The following STX17 variants were observed in gnomAD, a reference collection of about 807,000 sequenced individuals.
STX17 encodes the protein syntaxin 17, also known as syntaxin-17.
In STX17, 29 loss-of-function variants were observed where a neutral mutation model predicts 35.9. The ratio of observed to expected loss-of-function variants is 0.81; its 90% confidence interval spans 0.60 to 1.10. The LOEUF (loss-of-function observed/expected upper bound fraction) is 1.10, where lower values mean the gene tolerates loss of function less well. Ranked by LOEUF, STX17 falls within the 50% of genes least tolerant of loss-of-function variation. The pLI is 0.00. For synonymous variants in STX17, 92 were observed against 118.3 expected (o/e 0.78, Z 1.44); for missense variants, 312 against 352.3 (o/e 0.89, Z 0.92).
At chr9:99,954,520 G>A (rs1261763859) in intron 4 of STX17, among the ~76,000 whole-genome samples, 7 of 151,998 alleles carry the variant, frequency 4.6e-5, no homozygotes. Context: ...CTTTAATAGT[G>A]GGGTAGGAAT....
intron 6 of STX17, among the ~76,000 whole-genome samples, chr9:99,965,088 T>G (rs1024369028): frequency 6.6e-6 from 1 of 152,148 alleles, no homozygotes; most frequent in African/African-American, 2.4e-5. Context: ...TAAATACTTA[T>G]AGATGTGGGC....
At chr9:99,942,206 C>T (rs1829379118) in intron 3 of STX17, among the ~76,000 whole-genome samples, 1 of 152,006 alleles carries the variant, frequency 6.6e-6, no homozygotes, top group Non-Finnish European at 1.5e-5. Flanking sequence ...TTACATTTAC[C>T]TGATTATTCA....
Position 99,906,713 on chromosome 9 carries a change from G to T in STX17, c.-63+7G>T, listed in dbSNP as rs1828554033. 6.6e-6 allele frequency: 1 copy of T among 152,118 alleles called. No homozygotes were observed. Among genetic ancestry groups the T allele is most frequent in the South Asian group, 2.1e-4 (1 of 4,830 alleles). The allele number at this position is 152,118 out of a possible 1,614,324, so 9.4% of individuals were successfully genotyped here. A position where few individuals can be genotyped will look rare whatever the true frequency, so the allele number is the denominator to read the frequency against. On this transcript the variant is annotated splice_region_variant and intron_variant, in intron 1 of 7. Coordinates refer to ENST00000259400, the MANE Select transcript of STX17 (RefSeq NM_017919.3). The stretch of plus-strand genomic sequence containing the variant: ...TCGAGCGCCCCGGCGGGAGGTAAGG[G>T]GCTCTCTGGAGGCCGCCTTTGGGGG...
chr9:99,953,008 C>T (rs1424470121), intron 4 of STX17, among the ~76,000 whole-genome samples: 1 of 150,938 alleles, frequency 6.6e-6, no homozygotes, highest in African/African-American at 2.4e-5. Context: ...GCACATGTAC[C>T]CTAGAACTTA....
intron 3 of STX17, among the ~76,000 whole-genome samples, chr9:99,940,381 G>C (rs771212769): frequency 6.6e-6 from 1 of 151,444 alleles, no homozygotes; most frequent in Non-Finnish European, 1.5e-5. Context: ...ATCCGCCCGC[G>C]TCGGCCTCCC....
intron 7 of STX17, 80 bp downstream of exon 7, chr9:99,967,819 T>C: frequency 4.1e-6 from 5 of 1,226,390 alleles, no homozygotes; most frequent in African/African-American, 1.5e-5. Flanking sequence ...TGATCTGCTC[T>C]CTTCAATGTT....
At chr9:99,959,820 C>G in intron 4 of STX17, 97 bp from the exon 5 acceptor site, 3 of 872,910 alleles carry the variant, frequency 3.4e-6, no homozygotes, top group Non-Finnish European at 5.6e-6. Flanking sequence ...AATTAGACAC[C>G]ATTTAACGTG....
intron 6 of STX17, among the ~76,000 whole-genome samples, chr9:99,961,598 T>C (rs1316747623): frequency 6.6e-6 from 1 of 152,174 alleles, no homozygotes; most frequent in African/African-American, 2.4e-5. Flanking sequence ...TATGTATATT[T>C]ATGTATGTGT....
Position 99,969,770 on chromosome 9 carries a change from T to G in STX17, c.*1097T>G, listed in dbSNP as rs1347186676. On this transcript the variant is annotated 3_prime_UTR_variant, in exon 8 of 8. Coordinates refer to ENST00000259400, the MANE Select transcript of STX17 (RefSeq NM_017919.3). ...CCTCACATCCTTTTCCCCAGACTTT[T>G]TATCTCCTATGCATCCCTTTGCTTT... 1 of 152,600 alleles carries G rather than the reference T, an allele frequency of 6.6e-6. No individual in the cohort carries two copies. Among genetic ancestry groups the G allele is most frequent in the African/African-American group, 2.4e-5 (1 of 41,416 alleles). 9.5% of individuals were successfully genotyped at this position (152,600 alleles called of 1,614,324 possible).
chr9:99,927,499 A>C (rs569821818), intron 2 of STX17, among the ~76,000 whole-genome samples: 1 of 152,190 alleles, frequency 6.6e-6, no homozygotes, highest in East Asian at 1.9e-4. Context: ...TTTGAGAAGG[A>C]GTCTCACTCT....
intron 2 of STX17, among the ~76,000 whole-genome samples, 158 bp from the exon 3 acceptor site, chr9:99,928,620 A>G (rs1829038351): frequency 1.3e-5 from 2 of 151,916 alleles, no homozygotes; most frequent in African/African-American, 2.4e-5. Context: ...ATAATTTCCT[A>G]CTTGTATGTG....
intron 2 of STX17, among the ~76,000 whole-genome samples, chr9:99,923,540 G>A (rs1056600365): frequency 9.9e-5 from 15 of 152,148 alleles, no homozygotes; most frequent in Admixed American, 2.0e-4. Flanking sequence ...GTGACCAAAT[G>A]TGTGTGAGTT....
chr9:99,919,798 C>T (rs1037074503), intron 2 of STX17, among the ~76,000 whole-genome samples: 3 of 151,970 alleles, frequency 2.0e-5, no homozygotes, highest in African/African-American at 7.3e-5. Context: ...TTTTAATTCT[C>T]AAGAAGTTTG....
chr9:99,952,617 C>T (rs1829625062), intron 4 of STX17, among the ~76,000 whole-genome samples: 1 of 152,140 alleles, frequency 6.6e-6, no homozygotes, highest in South Asian at 2.1e-4. Flanking sequence ...ATAGCAAAGA[C>T]TTGGAACCAA....
intron 2 of STX17, among the ~76,000 whole-genome samples, chr9:99,916,898 T>C (rs1042576077): frequency 6.6e-6 from 1 of 152,170 alleles, no homozygotes; most frequent in Non-Finnish European, 1.5e-5. Flanking sequence ...TTTCTTATGT[T>C]TATTCTATAC....
rs966759648 is a variant in STX17 at position 99,970,266 on chromosome 9, C to T, written c.*1593C>T. 1 of 152,120 alleles carries T rather than the reference C, an allele frequency of 6.6e-6. No individual in the cohort carries two copies. The allele number at this position is 152,120 out of a possible 1,614,324, so 9.4% of individuals were successfully genotyped here. A position where few individuals can be genotyped will look rare whatever the true frequency, so the allele number is the denominator to read the frequency against. On this transcript the variant is annotated 3_prime_UTR_variant, in exon 8 of 8. Coordinates refer to ENST00000259400, the MANE Select transcript of STX17 (RefSeq NM_017919.3). ...GTCTAAAGAGACTTTCTCTTTCATA[C>T]GTCTTAAATCTCATCAATGAAATCC...
Position 99,915,202 on chromosome 9 carries a change from C to CA in STX17, c.-37dup, listed in dbSNP as rs1564057151. 6 of 1,589,626 alleles carry CA rather than the reference C, an allele frequency of 3.8e-6. No individual in the cohort carries two copies. The highest frequency in any genetic ancestry group is 5.1e-6 in the Non-Finnish European group (6 of 1,170,048). Reference sequence around the variant, plus strand: ...GGTTTTTCTATATGAGTGGAGAAGACAGCTGTTACCAGGGAGGTCATACAA... The same window carrying CA: ...GGTTTTTCTATATGAGTGGAGAAGACAAGCTGTTACCAGGGAGGTCATACAA... On this transcript the variant is annotated 5_prime_UTR_variant, in exon 2 of 8. An upstream open reading frame in the 5' UTR loses its in-frame stop. Transcript: ENST00000259400.
intron 3 of STX17, among the ~76,000 whole-genome samples, chr9:99,947,049 C>T (rs563809051): frequency 9.9e-5 from 15 of 151,980 alleles, no homozygotes; most frequent in East Asian, 1.9e-4. Flanking sequence ...ATTCATTTTC[C>T]GTCTTCTTCT....
chr9:99,967,861 A>T, intron 7 of STX17, 122 bp downstream of exon 7: 1 of 797,398 alleles, frequency 1.3e-6, no homozygotes, highest in South Asian at 1.5e-5. Flanking sequence ...AATAAGGAAG[A>T]AATGACACAT....
Sources: allele counts gnomAD v4.1 joint callset (sites outside exome capture counted in the v4.1 genomes callset), GRCh38; gene constraint gnomAD v4.1.1; transcripts MANE v1.5; gene names NCBI Gene and HGNC (gene_info 2026-07-23, HGNC 2026-07-21).